Variants in RGS22 observed in about 807,000 individuals in gnomAD.
RGS22 encodes the protein regulator of G protein signaling 22, also known as regulator of G-protein signaling 22.
In RGS22, 148 loss-of-function variants were observed where a neutral mutation model predicts 172.9. The ratio of observed to expected loss-of-function variants is 0.86; its 90% CI spans 0.75 to 0.98. RGS22 has a LOEUF of 0.98. Among genes scored for constraint, RGS22 ranks in the 50% least tolerant of loss-of-function variants. The pLI, the probability that RGS22 is intolerant of heterozygous loss-of-function variation, is 0.00. For missense variants in RGS22, 1,347 were observed against 1,440.8 expected (o/e 0.93, Z 1.05); for synonymous variants, 458 against 480.2 (o/e 0.95, Z 0.60).
intron 14 of RGS22, among the ~76,000 whole-genome samples, chr8:100,021,407 T>C (rs907542714): frequency 2.0e-5 from 3 of 152,234 alleles, no homozygotes; most frequent in African/African-American, 7.2e-5. Context: ...AAATATTACA[T>C]TTATCCTCAG....
At chr8:99,962,554 G>GT in intron 26 of RGS22, 111 bp from the exon 27 acceptor site, 1 of 1,422,206 alleles carries the variant, frequency 7.0e-7, no homozygotes, top group Non-Finnish European at 9.8e-7. Flanking sequence ...ATTCTCCTAA[G>GT]TTGGGGGGCA....
intron 12 of RGS22, 99 bp downstream of exon 12, chr8:100,041,703 G>GA: frequency 1.5e-6 from 1 of 661,912 alleles, no homozygotes; most frequent in Non-Finnish European, 2.6e-6. Flanking sequence ...GCTTAGTAAA[G>GA]AAAAAATATT....
intron 3 of RGS22, among the ~76,000 whole-genome samples, chr8:100,089,672 T>C (rs1023284853): frequency 6.6e-6 from 1 of 152,096 alleles, no homozygotes; most frequent in Non-Finnish European, 1.5e-5. Flanking sequence ...AAAGAAACAT[T>C]TATTGAGTGC....
At chr8:99,970,484 A>C (rs1168878999) in intron 23 of RGS22, among the ~76,000 whole-genome samples, 1 of 152,248 alleles carries the variant, frequency 6.6e-6, no homozygotes, top group Non-Finnish European at 1.5e-5. Flanking sequence ...AACACTACCC[A>C]GACTAATAAA....
chr8:100,102,765 TG>T (rs1282059754), intron 2 of RGS22, among the ~76,000 whole-genome samples: 1 of 152,246 alleles, frequency 6.6e-6, no homozygotes, highest in African/African-American at 2.4e-5. Context: ...AGGAGGCATG[TG>T]GATGTACTTT....
chr8:99,989,622 T>C (rs1242274837), intron 20 of RGS22, among the ~76,000 whole-genome samples: 1 of 152,094 alleles, frequency 6.6e-6, no homozygotes, highest in Non-Finnish European at 1.5e-5. Context: ...GACAGGTGGA[T>C]TGCCTGAGCT....
intron 23 of RGS22, 98 bp from the exon 24 acceptor site, chr8:99,965,528 T>G: frequency 1.2e-6 from 1 of 852,654 alleles, no homozygotes; most frequent in Non-Finnish European, 1.8e-6. Flanking sequence ...GACATAATAT[T>G]TCATAGTGAG....
At chr8:100,034,310 A>G (rs1266770186) in intron 14 of RGS22, among the ~76,000 whole-genome samples, 1 of 152,194 alleles carries the variant, frequency 6.6e-6, no homozygotes, top group Non-Finnish European at 1.5e-5. Flanking sequence ...AAGCATTCCT[A>G]TACACCAACA....
intron 6 of RGS22, among the ~76,000 whole-genome samples, chr8:100,068,774 A>G (rs1376920077): frequency 6.6e-6 from 1 of 152,042 alleles, no homozygotes; most frequent in Non-Finnish European, 1.5e-5. Flanking sequence ...TCTACAAAAA[A>G]TATACAAAAA....
intron 3 of RGS22, among the ~76,000 whole-genome samples, chr8:100,092,818 T>C (rs76319330): frequency 0.013 from 1,992 of 152,334 alleles, 36 homozygotes; most frequent in Admixed American, 0.058. Context: ...TGACTGAAAC[T>C]ATTAATTGGC....
At chr8:100,023,303 T>C (rs1817817774) in intron 14 of RGS22, among the ~76,000 whole-genome samples, 1 of 152,224 alleles carries the variant, frequency 6.6e-6, no homozygotes, top group Non-Finnish European at 1.5e-5. Flanking sequence ...GCTGACTAGA[T>C]ACAAGGAGCA....
At chr8:100,058,619 C>A (rs1296851818) in intron 9 of RGS22, among the ~76,000 whole-genome samples, 1 of 152,094 alleles carries the variant, frequency 6.6e-6, no homozygotes, top group Non-Finnish European at 1.5e-5. Context: ...AAGGAAAAAA[C>A]TTTTACCCTA....
rs1333835341 is a variant in RGS22 at position 99,998,480 on chromosome 8, AGATT to A, written c.2949+778_2949+781del. Among the ~76,000 whole-genome samples, 4 of 152,144 alleles carry A rather than the reference AGATT, an allele frequency of 2.6e-5. No individual in the cohort carries two copies. The South Asian group carries it at 6.2e-4, about 24-fold the overall frequency. On this transcript the variant is annotated intron_variant, in intron 19 of 27. Transcript: ENST00000360863. ...TAGCAACTCAGAGGCTGAGGCAGGA[AGATT>A]GATTGAGCCCCAGTGTTTCAAAGCT... is the stretch of plus-strand genomic sequence containing the variant.
At chr8:99,965,830 C>T (rs1001023487) in intron 23 of RGS22, among the ~76,000 whole-genome samples, 3 of 152,056 alleles carry the variant, frequency 2.0e-5, no homozygotes, top group Non-Finnish European at 2.9e-5. Context: ...TACGTTTGCT[C>T]TTTTTAAATC....
intron 4 of RGS22, among the ~76,000 whole-genome samples, chr8:100,079,572 G>C (rs552796851): frequency 1.3e-5 from 2 of 152,270 alleles, no homozygotes; most frequent in South Asian, 4.1e-4. Context: ...CTAAGTAGTA[G>C]GTAGTAAAGG....
rs145079294 is a variant in RGS22, at chr8:100,032,121, A to G, written c.2166+6810T>C. Among the ~76,000 whole-genome samples the G allele has an allele frequency of 6.1e-3, 931 of 152,322 alleles. 9 individuals carry two copies. Among genetic ancestry groups the G allele is most frequent in the Middle Eastern group, 0.037 (11 of 294 alleles). ...GAAACTGTATCAATTAATGGGCAAAATAACCAGCAAACATCATAATCACAG... is the reference window on the plus strand; with the variant it reads ...GAAACTGTATCAATTAATGGGCAAAGTAACCAGCAAACATCATAATCACAG... On this transcript the variant is annotated intron_variant, in intron 14 of 27. Coordinates refer to ENST00000360863, the MANE Select transcript of RGS22 (RefSeq NM_015668.5).
At chr8:100,007,737 G>A (rs1013963111) in intron 15 of RGS22, among the ~76,000 whole-genome samples, 3 of 147,828 alleles carry the variant, frequency 2.0e-5, no homozygotes, top group African/African-American at 7.5e-5. Flanking sequence ...AGCAAAAAAT[G>A]ACATAAAGTC....
intron 17 of RGS22, 67 bp from the exon 18 acceptor site, chr8:100,002,431 G>T: frequency 6.8e-7 from 1 of 1,465,622 alleles, no homozygotes. Context: ...GTAAACACCC[G>T]ATTGTTGTTT....
chr8:99,999,910 G>T (rs189093477), intron 18 of RGS22, among the ~76,000 whole-genome samples: 2 of 152,178 alleles, frequency 1.3e-5, no homozygotes, highest in African/African-American at 2.4e-5. Flanking sequence ...ACAAATGTTG[G>T]GTTGGAGATA....
Sources: gnomAD v4.1 joint callset for allele counts (sites outside exome capture counted in the v4.1 genomes callset) on GRCh38, gnomAD v4.1.1 for gene constraint, MANE v1.5 for transcripts, NCBI Gene and HGNC (gene_info 2026-07-23, HGNC 2026-07-21) for gene names.